Variants in SFSWAP observed in about 807,000 individuals in gnomAD.
SFSWAP encodes the protein splicing factor SWAP.
Under a neutral mutation model 100.7 loss-of-function variants are expected in SFSWAP, and 17 were observed. The ratio of observed to expected loss-of-function variants is 0.17; its 90% CI spans 0.12 to 0.25. The LOEUF (loss-of-function observed/expected upper bound fraction) is 0.25, where lower values mean the gene tolerates loss of function less well. Among genes scored for constraint, SFSWAP ranks in the 10% least tolerant of loss-of-function variants. The pLI, the probability that SFSWAP is intolerant of heterozygous loss-of-function variation, is 1.00. For synonymous variants in SFSWAP, 504 were observed against 510.1 expected, an observed-to-expected ratio of 0.99 and a Z score of 0.16; for missense variants, 1,005 against 1,262.6, an observed-to-expected ratio of 0.80 and a Z score of 3.09.
intron 7 of SFSWAP, among the ~76,000 whole-genome samples, chr12:131,749,838 T>C (rs1881457346): frequency 6.6e-6 from 1 of 152,206 alleles, no homozygotes; most frequent in African/African-American, 2.4e-5. Context: ...CCAGTCCTAG[T>C]GGCGCAGGAG....
In SFSWAP at chr12:131,754,386, C is replaced by T. The variant is rs367573231; in HGVS notation, c.1341C>T (p.Ala447=). ...TTTTSALAPV[A]AIIPPPPDVQ... Reference sequence around the variant, plus strand: ...CCTGCAGTGCACTTGCCCCCGTGGCCGCCATCATCCCCCCGCCCCCCGACG... The same window carrying T: ...CCTGCAGTGCACTTGCCCCCGTGGCTGCCATCATCCCCCCGCCCCCCGACG... The change falls in exon 9 of 18, where the codon GCC becomes GCT. Residue 447 remains alanine, a synonymous_variant. Coordinates refer to ENST00000261674, the MANE Select transcript of SFSWAP (RefSeq NM_004592.4). 3.7e-5 allele frequency: 58 copies of T among 1,582,400 alleles called. No homozygotes were observed. The highest frequency in any genetic ancestry group is 9.6e-5 in the African/African-American group (7 of 73,100).
intron 11 of SFSWAP, among the ~76,000 whole-genome samples, chr12:131,759,383 T>C (rs10751692): frequency 0.32 from 48,484 of 152,006 alleles, 8,755 homozygotes; most frequent in East Asian, 0.52. Flanking sequence ...GCCTACATCA[T>C]TAAAGCCACT....
chr12:131,711,302 G>A lies in SFSWAP; in HGVS notation c.73G>A (p.Gly25Ser), dbSNP rs1454124453. ...CGCGAAGGAGGAGGCCGGGCCAGGC[G>A]GTGCCGGCGGTGGGGGCAGCCGAGT... ...SGAKEEAGPG[G>S]AGGGGSRVEL... The change falls in exon 1 of 18, where the codon GGT becomes AGT. Residue 25 changes from glycine (G) to serine (S), a missense_variant. Physicochemically the swap from Gly to Ser is moderately conservative, Grantham distance 56 (BLOSUM62 0). This residue lies in a region of SFSWAP where 237 missense variants were observed against 337.0 expected (regional missense o/e 0.70). Coordinates refer to ENST00000261674, the MANE Select transcript of SFSWAP (RefSeq NM_004592.4). This position sits in a 1 kb window ranked among gnomAD's most constrained non-coding sequence, Gnocchi z 4.9. 6.2e-7 allele frequency: 1 copy of A among 1,613,322 alleles called. No homozygotes were observed. The highest frequency in any genetic ancestry group is 8.5e-7 in the Non-Finnish European group (1 of 1,179,784).
At chr12:131,719,683 A>T (rs1158858346) in intron 4 of SFSWAP, 144 bp downstream of exon 4, 2 of 658,538 alleles carry the variant, frequency 3.0e-6, no homozygotes, top group Non-Finnish European at 2.6e-6. Flanking sequence ...GGAGAAAAAG[A>T]TCACACCCTA....
intron 8 of SFSWAP, among the ~76,000 whole-genome samples, chr12:131,753,779 G>A (rs1881887191): frequency 6.6e-6 from 1 of 152,158 alleles, no homozygotes; most frequent in South Asian, 2.1e-4. Context: ...CAAGCTGTTG[G>A]CCACCAGGGG....
At chr12:131,723,135 T>C (rs73160770) in intron 4 of SFSWAP, 1 of 152,182 alleles carries the variant, frequency 6.6e-6, no homozygotes, top group African/African-American at 2.4e-5. Flanking sequence ...TTGTGCAGAT[T>C]AGAGCATTAT....
At chr12:131,736,556 T>G (rs898762746) in intron 7 of SFSWAP, among the ~76,000 whole-genome samples, 5 of 152,140 alleles carry the variant, frequency 3.3e-5, no homozygotes, top group Admixed American at 2.0e-4. Context: ...CCTCACTGCC[T>G]GCTCACAGGC....
Position 131,714,054 on chromosome 12 carries a change from G to C in SFSWAP, c.219-17G>C. ...GACGTTAATTTCCTTTTATTGACCA[G>C]CTTGTTCACATTACAGATATGATGG... On this transcript the variant is annotated splice_polypyrimidine_tract_variant and intron_variant, in intron 1 of 17. Coordinates refer to ENST00000261674, the MANE Select transcript of SFSWAP (RefSeq NM_004592.4). The surrounding 1 kb of genome is among the most constrained non-coding windows in gnomAD (Gnocchi z 6.0). 6.2e-7 allele frequency: 1 copy of C among 1,608,626 alleles called. No individual in the cohort carries two copies. The highest frequency in any genetic ancestry group is 8.5e-7 in the Non-Finnish European group (1 of 1,176,456).
chr12:131,758,673 G>A (rs1882393313), intron 11 of SFSWAP, among the ~76,000 whole-genome samples: 1 of 152,232 alleles, frequency 6.6e-6, no homozygotes, highest in African/African-American at 2.4e-5. Flanking sequence ...GCTGTGGAGT[G>A]TGGTGGCTCA....
chr12:131,718,950 G>T (rs1878188119), intron 3 of SFSWAP, among the ~76,000 whole-genome samples: 1 of 152,204 alleles, frequency 6.6e-6, no homozygotes, highest in South Asian at 2.1e-4. Flanking sequence ...CTAACAAGCG[G>T]CAGGGCAGGA....
intron 7 of SFSWAP, among the ~76,000 whole-genome samples, chr12:131,740,105 G>C (rs541908451): frequency 6.6e-6 from 1 of 152,278 alleles, no homozygotes; most frequent in Non-Finnish European, 1.5e-5. Context: ...ACTAGAATCT[G>C]ACACTGTCCT....
intron 8 of SFSWAP, among the ~76,000 whole-genome samples, chr12:131,753,849 C>T (rs1055066198): frequency 6.6e-6 from 1 of 152,188 alleles, no homozygotes; most frequent in Non-Finnish European, 1.5e-5. Context: ...GCTTCTCCAG[C>T]AGCGAGGGCC....
chr12:131,787,067 G>A (rs116223763), intron 15 of SFSWAP, among the ~76,000 whole-genome samples: 330 of 152,298 alleles, frequency 2.2e-3, no homozygotes, highest in African/African-American at 7.5e-3. Context: ...GGGCCTAGAG[G>A]GCAGGGAGCA....
intron 7 of SFSWAP, among the ~76,000 whole-genome samples, chr12:131,742,242 T>C (rs1224780813): frequency 2.6e-5 from 4 of 152,188 alleles, no homozygotes; most frequent in Non-Finnish European, 5.9e-5. Context: ...TCCACCTGCT[T>C]CTTTCCATGG....
rs915245698 is a variant in SFSWAP, at chr12:131,756,225, A to C, written c.1549-248A>C. On this transcript the variant is annotated intron_variant, in intron 10 of 17. Coordinates refer to ENST00000261674, the MANE Select transcript of SFSWAP (RefSeq NM_004592.4). ...GAAAAGATACTGAAAATTGGTTCCC[A>C]AGGCAGTATTAGGGCTTCAAAGAGT... 2.6e-5 allele frequency among the ~76,000 whole-genome samples: 4 copies of C among 152,078 alleles called. 1 individual carries two copies. The highest frequency in any genetic ancestry group is 5.9e-5 in the Non-Finnish European group (4 of 68,042).
intron 7 of SFSWAP, among the ~76,000 whole-genome samples, chr12:131,736,102 G>C (rs1448303949): frequency 5.9e-5 from 9 of 152,190 alleles, no homozygotes; most frequent in African/African-American, 1.9e-4. Context: ...TTTCAAACAA[G>C]GCGGCACCAG....
chr12:131,718,560 A>C (rs2136178786), intron 3 of SFSWAP, among the ~76,000 whole-genome samples: 1 of 152,350 alleles, frequency 6.6e-6, no homozygotes, highest in South Asian at 2.1e-4. Context: ...GTTAATGAAT[A>C]CATAGAAATG....
In SFSWAP at chr12:131,777,917, G is replaced by C. The variant is rs1017476809; in HGVS notation, c.2143-148G>C. 14 of 1,310,202 alleles carry C rather than the reference G, an allele frequency of 1.1e-5. No individual in the cohort carries two copies. In the African/African-American group the frequency reaches 1.9e-4, roughly 18 times the overall value. 81.2% of individuals were successfully genotyped at this position (1,310,202 alleles called of 1,614,324 possible). A position where few individuals can be genotyped will look rare whatever the true frequency, so the allele number is the denominator to read the frequency against. ...TTGCATCCTGGGAGGTGACAAGGAG[G>C]TCACTCTGGATAGCCACAGGAGGAG... On this transcript the variant is annotated intron_variant, in intron 13 of 17. Transcript: ENST00000261674.
chr12:131,797,157 AC>A lies in SFSWAP; in HGVS notation c.2535-20del. 6.3e-7 allele frequency: 1 copy of A among 1,598,878 alleles called. No homozygotes were observed. The highest frequency in any genetic ancestry group is 8.5e-7 in the Non-Finnish European group (1 of 1,175,690). On this transcript the variant is annotated intron_variant, in intron 15 of 17. Coordinates refer to ENST00000261674, the MANE Select transcript of SFSWAP (RefSeq NM_004592.4). ...CCTTTAAACCAAAGCTGCATCTCTC[AC>A]AGAAACTCTTGCCTTTCAGAAGTCC...
Sources: gnomAD v4.1 joint callset for allele counts (sites outside exome capture counted in the v4.1 genomes callset) on GRCh38, gnomAD v4.1.1 for gene constraint, gnomAD v4.1.1 regional missense constraint, Gnocchi (gnomAD v3.1) non-coding constraint, MANE v1.5 for transcripts, NCBI Gene and HGNC (gene_info 2026-07-23, HGNC 2026-07-21) for gene names.